ME1: variants seen among roughly 807,000 people sequenced by gnomAD.
The protein encoded by ME1 is NADP-dependent malic enzyme.
In ME1, 74 loss-of-function variants were observed where a neutral mutation model predicts 66.4. The observed-to-expected ratio is 1.11, with a 90% confidence interval of 0.92 to 1.35. The LOEUF (loss-of-function observed/expected upper bound fraction) is 1.35. Ranked by LOEUF, ME1 falls within the 40% of genes most tolerant of loss-of-function variation. ME1 has a pLI of 0.00. For synonymous variants in ME1, 251 were observed against 235.6 expected (o/e 1.07, Z -0.60); for missense variants, 750 against 694.1 (o/e 1.08, Z -0.90).
In ME1 at chr6:83,315,316, G is replaced by T. The variant is rs762593380; in HGVS notation, c.698C>A (p.Ser233Tyr). 1 of 1,593,336 alleles carries T rather than the reference G, an allele frequency of 6.3e-7. No individual in the cohort carries two copies. Among genetic ancestry groups the T allele is most frequent in the Non-Finnish European group, 8.6e-7 (1 of 1,163,062 alleles). ...DFLDEFMEAV[S>Y]SKYGMNCLIQ... Reference sequence around the variant, plus strand: ...GTTAAATAAAGATACATACTTGGAAGAAACTGCCTCCATGAATTCGTCCAA... The same window carrying T: ...GTTAAATAAAGATACATACTTGGAATAAACTGCCTCCATGAATTCGTCCAA... The change falls in exon 6 of 14, where the codon TCT becomes TAT. Residue 233 changes from serine (S) to tyrosine (Y), a missense_variant. Transcript: ENST00000369705.
intron 1 of ME1, among the ~76,000 whole-genome samples, chr6:83,430,422 A>T (rs189837779): frequency 6.6e-6 from 1 of 152,336 alleles, no homozygotes; most frequent in East Asian, 1.9e-4. Flanking sequence ...GGGCAGGACC[A>T]GTTGAGCCAC....
chr6:83,292,147 C>A (rs1767515340), intron 6 of ME1, among the ~76,000 whole-genome samples: 1 of 152,142 alleles, frequency 6.6e-6, no homozygotes, highest in Non-Finnish European at 1.5e-5. Flanking sequence ...CATTCTCCAT[C>A]CAGTTTTGTT....
intron 5 of ME1, among the ~76,000 whole-genome samples, chr6:83,317,942 A>T (rs1487123070): frequency 1.3e-5 from 2 of 152,142 alleles, no homozygotes; most frequent in Non-Finnish European, 2.9e-5. Context: ...TGGTACTGGT[A>T]CCAAAACAGA....
At chr6:83,233,433 T>C (rs1264247893) in intron 9 of ME1, among the ~76,000 whole-genome samples, 1 of 152,118 alleles carries the variant, frequency 6.6e-6, no homozygotes, top group Non-Finnish European at 1.5e-5. Flanking sequence ...GGATGAATTA[T>C]TTACAATATT....
At chr6:83,279,142 T>C (rs1145917) in intron 6 of ME1, among the ~76,000 whole-genome samples, 33,793 of 152,110 alleles carry the variant, frequency 0.22, 4,141 homozygotes, top group Middle Eastern at 0.39. Flanking sequence ...ACAATGACAC[T>C]GAAGAACTTT....
chr6:83,360,665 A>T (rs1204342708), intron 3 of ME1, among the ~76,000 whole-genome samples: 1 of 152,198 alleles, frequency 6.6e-6, no homozygotes, highest in African/African-American at 2.4e-5. Flanking sequence ...CCCTGGAGGG[A>T]TTGCAGAGAT....
At chr6:83,352,168 A>C (rs1165850547) in intron 3 of ME1, 29 bp from the exon 4 acceptor site, 1 of 1,377,954 alleles carries the variant, frequency 7.3e-7, no homozygotes, top group Admixed American at 2.6e-5. Context: ...AAAAAGGAGT[A>C]GTTTACATTT....
At chr6:83,221,937 G>A (rs1421175876) in intron 12 of ME1, among the ~76,000 whole-genome samples, 1 of 152,154 alleles carries the variant, frequency 6.6e-6, no homozygotes, top group African/African-American at 2.4e-5. Flanking sequence ...CAGCCAGAGA[G>A]ATCACTAGCT....
chr6:83,219,867 C>G (rs184498209), intron 12 of ME1, among the ~76,000 whole-genome samples: 1 of 151,524 alleles, frequency 6.6e-6, no homozygotes, highest in Admixed American at 6.6e-5. Context: ...GGATTACAGA[C>G]GTGAGCCACT....
intron 1 of ME1, among the ~76,000 whole-genome samples, chr6:83,408,646 A>G (rs1199025416): frequency 6.6e-6 from 1 of 152,252 alleles, no homozygotes; most frequent in Non-Finnish European, 1.5e-5. Flanking sequence ...CATGAAAACT[A>G]AATAGAAATT....
intron 6 of ME1, among the ~76,000 whole-genome samples, chr6:83,283,722 T>C (rs562267782): frequency 9.2e-5 from 14 of 152,262 alleles, no homozygotes; most frequent in Non-Finnish European, 1.5e-4. Flanking sequence ...GTAAACAACC[T>C]GAAAAATAGA....
chr6:83,309,112 C>T (rs1234450181), intron 6 of ME1, among the ~76,000 whole-genome samples: 4 of 152,126 alleles, frequency 2.6e-5, no homozygotes, highest in Non-Finnish European at 4.4e-5. Flanking sequence ...GGGCCTTTTA[C>T]ACTATTGCAA....
rs746057199 is a variant in ME1 at position 83,373,029 on chromosome 6, G to A, written c.363-20890C>T. Among the ~76,000 whole-genome samples the A allele has an allele frequency of 3.3e-5, 5 of 152,080 alleles. No individual in the cohort carries two copies. In the East Asian group the frequency reaches 9.6e-4, roughly 29 times the overall value. ...TTCCCAGATATACTGGCTAAAACCT[G>A]CAGATAAAAATTTCATGTTATTTTC... On this transcript the variant is annotated intron_variant, in intron 3 of 13. Coordinates refer to ENST00000369705, the MANE Select transcript of ME1 (RefSeq NM_002395.6).
intron 3 of ME1, chr6:83,393,218 C>A: frequency 8.8e-7 from 1 of 1,137,272 alleles, no homozygotes; most frequent in Non-Finnish European, 1.3e-6. Flanking sequence ...CCCTCAAAGG[C>A]ATCCTGGGCT....
In ME1 at chr6:83,257,669, C is replaced by T. The variant is rs183219190; in HGVS notation, c.705-3931G>A. On this transcript the variant is annotated intron_variant, in intron 6 of 13. Transcript: ENST00000369705. ...ATAATTACAAAAATGTTACTAAAAA[C>T]TGGTAAAATCATTTCTATGGTTACA... Among the ~76,000 whole-genome samples, 7 of 152,258 alleles carry T rather than the reference C, an allele frequency of 4.6e-5. No individual in the cohort carries two copies. The East Asian group carries it at 1.2e-3, about 25-fold the overall frequency.
chr6:83,374,565 C>T (rs747298284), intron 3 of ME1, among the ~76,000 whole-genome samples: 13 of 152,070 alleles, frequency 8.5e-5, no homozygotes, highest in Non-Finnish European at 1.9e-4. Flanking sequence ...ATTCTGATGA[C>T]AGTTTCTTTT....
At chr6:83,370,967 C>A (rs1032026341) in intron 3 of ME1, among the ~76,000 whole-genome samples, 15 of 152,038 alleles carry the variant, frequency 9.9e-5, no homozygotes, top group African/African-American at 3.4e-4. Flanking sequence ...CGGTAGAATT[C>A]AATTACCTCT....
chr6:83,423,196 CT>C (rs35067753), intron 1 of ME1, among the ~76,000 whole-genome samples: 193 of 143,852 alleles, frequency 1.3e-3, no homozygotes, highest in African/African-American at 1.7e-3. Flanking sequence ...AGAGAAATGG[CT>C]TTTTTTTTTT....
At chr6:83,429,220 G>A (rs944417617) in intron 1 of ME1, among the ~76,000 whole-genome samples, 4 of 152,042 alleles carry the variant, frequency 2.6e-5, no homozygotes, top group Admixed American at 6.6e-5. Context: ...CGGAGATCGC[G>A]CCACTGCACT....
Sources: allele counts gnomAD v4.1 joint callset (sites outside exome capture counted in the v4.1 genomes callset), GRCh38; gene constraint gnomAD v4.1.1; transcripts MANE v1.5; gene names NCBI Gene and HGNC (gene_info 2026-07-23, HGNC 2026-07-21).